Variants in WDR59 observed in about 807,000 individuals in gnomAD.
The protein encoded by WDR59 is GATOR2 complex protein WDR59.
WDR59 carries 100 observed loss-of-function variants against 131.2 expected under a neutral mutation model. That is an observed-to-expected ratio of 0.76 (90% CI 0.65 to 0.90). WDR59 has a LOEUF of 0.90. WDR59 is among the 40% of genes least tolerant of loss of function. The probability of loss-of-function intolerance (pLI) is 0.00; values close to 1 mark genes in which losing one functional copy is unlikely to be tolerated. For missense variants in WDR59, 1,203 were observed against 1,262.2 expected, an observed-to-expected ratio of 0.95 and a Z score of 0.71; for synonymous variants, 601 against 466.2, an observed-to-expected ratio of 1.29 and a Z score of -3.72.
intron 25 of WDR59, among the ~76,000 whole-genome samples, chr16:74,883,356 C>T (rs968824885): frequency 9.9e-5 from 15 of 152,170 alleles, no homozygotes; most frequent in African/African-American, 9.6e-5. Context: ...GTCAAAGCCA[C>T]GTCCAGAGGT....
rs551366664 is a variant in WDR59 at position 74,925,619 on chromosome 16, T to C, written c.652-1616A>G. 7.2e-4 allele frequency among the ~76,000 whole-genome samples: 109 copies of C among 151,284 alleles called. 1 individual carries two copies. The highest frequency in any genetic ancestry group is 2.4e-3 in the African/African-American group (98 of 41,164). Reference sequence around the variant, plus strand: ...GAACAGACAAGTGGTTGCCAGAGGTTAGGGGTAGGAAAGGGTATGAGTGCA... The same window carrying C: ...GAACAGACAAGTGGTTGCCAGAGGTCAGGGGTAGGAAAGGGTATGAGTGCA... On this transcript the variant is annotated intron_variant, in intron 8 of 25. Transcript: ENST00000262144.
At chr16:74,942,013 G>C (rs1000781905) in intron 7 of WDR59, among the ~76,000 whole-genome samples, 1 of 152,128 alleles carries the variant, frequency 6.6e-6, no homozygotes, top group Non-Finnish European at 1.5e-5. Context: ...TCATGGCAGT[G>C]ATGGCTCTGT....
intron 4 of WDR59, among the ~76,000 whole-genome samples, chr16:74,950,542 C>A (rs2032930971): frequency 6.6e-6 from 1 of 152,224 alleles, no homozygotes; most frequent in South Asian, 2.1e-4. Context: ...TACCCATGTT[C>A]TCCTTCCTAG....
At chr16:74,901,593 T>A (rs957201461) in intron 18 of WDR59, among the ~76,000 whole-genome samples, 23 of 150,906 alleles carry the variant, frequency 1.5e-4, no homozygotes, top group African/African-American at 5.4e-4. Context: ...CAGTGAGCCA[T>A]GTTCACACCA....
rs961999838 is a variant in WDR59 at position 74,925,863 on chromosome 16, C to T, written c.652-1860G>A. On this transcript the variant is annotated intron_variant, in intron 8 of 25. Coordinates refer to ENST00000262144, the MANE Select transcript of WDR59 (RefSeq NM_030581.4). ...GGGCAACAAAGCAAGACCCTGTCTC[C>T]TCACCTAGCTGATTGGGAGGCTGAA... is the stretch of plus-strand genomic sequence containing the variant. Among the ~76,000 whole-genome samples, 3 of 151,964 alleles carry T rather than the reference C, an allele frequency of 2.0e-5. No individual in the cohort carries two copies. In the South Asian group the frequency reaches 6.2e-4, roughly 32 times the overall value.
At chr16:74,907,788 A>C (rs976808389) in intron 17 of WDR59, among the ~76,000 whole-genome samples, 1 of 152,220 alleles carries the variant, frequency 6.6e-6, no homozygotes, top group Non-Finnish European at 1.5e-5. Context: ...GAGCACTTCC[A>C]ATGTACCAGG....
At chr16:74,973,394 C>T (rs1294130277) in intron 1 of WDR59, among the ~76,000 whole-genome samples, 1 of 152,204 alleles carries the variant, frequency 6.6e-6, no homozygotes, top group East Asian at 1.9e-4. Flanking sequence ...TCAAGCAATT[C>T]TCCTGCCTCA....
chr16:74,885,883 G>A (rs970966070), intron 24 of WDR59, 88 bp from the exon 25 acceptor site: 53 of 1,502,168 alleles, frequency 3.5e-5, no homozygotes, highest in Non-Finnish European at 4.6e-5. Flanking sequence ...CCTTCTTAAA[G>A]CAACAGTCCT....
chr16:74,957,112 G>A (rs553253475), intron 2 of WDR59, among the ~76,000 whole-genome samples: 7 of 132,770 alleles, frequency 5.3e-5, no homozygotes, highest in Admixed American at 3.5e-4. Context: ...ACAGAGTCTC[G>A]CTCTGTCACC....
chr16:74,912,190 AC>A lies in WDR59; in HGVS notation c.1389+7del, dbSNP rs779075168. ...CAGCAAGGAGAATTTGGGAACCCAG[AC>A]CCCCACCTTCAGCAGCTTAGCTTTC... On this transcript the variant is annotated splice_region_variant and intron_variant, in intron 14 of 25. Transcript: ENST00000262144. 6.2e-7 allele frequency: 1 copy of A among 1,614,040 alleles called. No individual in the cohort carries two copies. The highest frequency in any genetic ancestry group is 8.5e-7 in the Non-Finnish European group (1 of 1,180,012).
At chr16:74,886,514 G>T in intron 23 of WDR59, 118 bp from the exon 24 acceptor site, 1 of 1,343,940 alleles carries the variant, frequency 7.4e-7, no homozygotes, top group Non-Finnish European at 9.9e-7. Flanking sequence ...GTTAAGCGAG[G>T]CTGAATATTC....
At chr16:74,890,941 C>T (rs147055320) in intron 20 of WDR59, among the ~76,000 whole-genome samples, 2 of 152,020 alleles carry the variant, frequency 1.3e-5, no homozygotes, top group Non-Finnish European at 2.9e-5. Context: ...TGGTGAAACC[C>T]TGTCTCTACT....
intron 1 of WDR59, chr16:74,978,964 G>A: frequency 6.6e-6 from 1 of 152,262 alleles, no homozygotes; most frequent in Non-Finnish European, 1.5e-5. Flanking sequence ...CAGCACTTTT[G>A]CAAATATCAT....
rs1470335634 is a variant in WDR59, at chr16:74,924,147, C to T, written c.652-144G>A. ...ATTTTTAGTTCAGCTCCTATAACCACGCACTGTGACAGAGACACAAAGAAA... is the reference window on the plus strand; with the variant it reads ...ATTTTTAGTTCAGCTCCTATAACCATGCACTGTGACAGAGACACAAAGAAA... On this transcript the variant is annotated intron_variant, in intron 8 of 25. Transcript: ENST00000262144. The T allele has an allele frequency of 6.4e-4, 444 of 698,528 alleles. 6 individuals carry two copies. The highest frequency in any genetic ancestry group is 7.7e-5 in the South Asian group (4 of 51,984). 43.3% of individuals were successfully genotyped at this position (698,528 alleles called of 1,614,324 possible). A position where few individuals can be genotyped will look rare whatever the true frequency, so the allele number is the denominator to read the frequency against.
At chr16:74,908,031 G>C (rs1965904171) in intron 17 of WDR59, among the ~76,000 whole-genome samples, 1 of 152,126 alleles carries the variant, frequency 6.6e-6, no homozygotes, top group Non-Finnish European at 1.5e-5. Context: ...TTAATGCACA[G>C]AAAAATAATG....
In WDR59 at chr16:74,985,093, C is replaced by A; in HGVS notation, c.-76G>T. 7.1e-7 allele frequency: 1 copy of A among 1,400,490 alleles called. No individual in the cohort carries two copies. Among genetic ancestry groups the A allele is most frequent in the Admixed American group, 2.0e-5 (1 of 50,608 alleles). The allele number at this position is 1,400,490 out of a possible 1,614,324, so 86.8% of individuals were successfully genotyped here. A position where few individuals can be genotyped will look rare whatever the true frequency, so the allele number is the denominator to read the frequency against. ...GTCCCCAGTATCCCGGGACCGTGCG[C>A]CCCACACAGCCAGAGAATCAGCCCC... is the stretch of plus-strand genomic sequence containing the variant. On this transcript the variant is annotated 5_prime_UTR_variant, in exon 1 of 26. Transcript: ENST00000262144.
chr16:74,944,314 A>C (rs746334839), intron 6 of WDR59, among the ~76,000 whole-genome samples: 3 of 152,018 alleles, frequency 2.0e-5, no homozygotes, highest in Non-Finnish European at 4.4e-5. Context: ...AAAAATACAA[A>C]AATTAGCCAG....
intron 17 of WDR59, 61 bp downstream of exon 17, chr16:74,908,847 A>G: frequency 6.2e-6 from 9 of 1,443,278 alleles, no homozygotes; most frequent in Non-Finnish European, 8.8e-6. Flanking sequence ...GGTCCTTCCC[A>G]GGTCTCTGGC....
chr16:74,959,634 T>A (rs765654196), intron 2 of WDR59: 33 of 419,738 alleles, frequency 7.9e-5, no homozygotes, highest in African/African-American at 1.3e-4. Flanking sequence ...AAAATAAAAT[T>A]AGCCAGGTGT....
Sources: allele counts gnomAD v4.1 joint callset (sites outside exome capture counted in the v4.1 genomes callset), GRCh38; gene constraint gnomAD v4.1.1; transcripts MANE v1.5; gene names NCBI Gene and HGNC (gene_info 2026-07-23, HGNC 2026-07-21).